TM9SF4: variants seen among roughly 807,000 people sequenced by gnomAD.
The protein encoded by TM9SF4 is dinucleotide oxidase disulfide thiol exchanger 3 superfamily member 4.
In TM9SF4, 26 loss-of-function variants were observed where a neutral mutation model predicts 90.4. That is an observed-to-expected ratio of 0.29 (90% CI 0.21 to 0.40). The LOEUF (loss-of-function observed/expected upper bound fraction) is 0.40, where lower values mean the gene tolerates loss of function less well. Ranked by LOEUF, TM9SF4 falls within the 10% of genes least tolerant of loss-of-function variation. TM9SF4 has a pLI of 1.00. For synonymous variants in TM9SF4, 293 were observed against 315.4 expected, an observed-to-expected ratio of 0.93 and a Z score of 0.75; for missense variants, 549 against 834.8, an observed-to-expected ratio of 0.66 and a Z score of 4.22.
At chr20:32,114,859 C>G (rs982723831) in intron 1 of TM9SF4, among the ~76,000 whole-genome samples, 2 of 152,178 alleles carry the variant, frequency 1.3e-5, no homozygotes, top group Non-Finnish European at 2.9e-5. Flanking sequence ...ATTGTGTGGC[C>G]TGGGGCAAAT....
In TM9SF4 at chr20:32,126,106, C is replaced by CACACACACACAG. The variant is rs368553951; in HGVS notation, c.16-6906_16-6905insCACACACACAGA. Among the ~76,000 whole-genome samples the CACACACACACAG allele has an allele frequency of 2.4e-3, 354 of 148,696 alleles. 3 individuals carry two copies. The highest frequency in any genetic ancestry group is 5.8e-3 in the African/African-American group (234 of 40,122). On this transcript the variant is annotated intron_variant, in intron 1 of 17. Coordinates refer to ENST00000398022, the MANE Select transcript of TM9SF4 (RefSeq NM_014742.4). The stretch of plus-strand genomic sequence containing the variant: ...ACACACACACACACACACACACACA[C>CACACACACACAG]AGTAGCCAGAGTAACCTTTAAAACT...
intron 1 of TM9SF4, among the ~76,000 whole-genome samples, chr20:32,123,864 A>ATC: frequency 3.3e-5 from 2 of 60,198 alleles, no homozygotes; most frequent in Admixed American, 1.6e-4. Flanking sequence ...ATATATATAT[A>ATC]TATTTTTTTT....
At chr20:32,136,933 C>A (rs1422638839) in intron 3 of TM9SF4, 4 of 471,080 alleles carry the variant, frequency 8.5e-6, no homozygotes, top group Non-Finnish European at 1.8e-5. Context: ...CTGCCTTCTC[C>A]GTCAGGGCTA....
chr20:32,139,621 T>A (rs2046642240), intron 3 of TM9SF4, among the ~76,000 whole-genome samples: 1 of 152,258 alleles, frequency 6.6e-6, no homozygotes, highest in Non-Finnish European at 1.5e-5. Flanking sequence ...GCCAGAATGA[T>A]CTTTCTGGAA....
chr20:32,161,397 C>T, intron 17 of TM9SF4, 32 bp downstream of exon 17: 1 of 1,597,210 alleles, frequency 6.3e-7, no homozygotes, highest in Non-Finnish European at 8.6e-7. Flanking sequence ...TCCTCTTAGT[C>T]CTCATAGGGT....
intron 1 of TM9SF4, chr20:32,116,250 G>C (rs2046221379): frequency 6.6e-6 from 1 of 152,190 alleles, no homozygotes; most frequent in Admixed American, 6.5e-5. Context: ...ATATTCTCAA[G>C]GGATTGTTGT....
At chr20:32,147,506 G>GA (rs138949307) in intron 9 of TM9SF4, among the ~76,000 whole-genome samples, 3,747 of 152,010 alleles carry the variant, frequency 0.025, 78 homozygotes, top group Middle Eastern at 0.045. Context: ...CAACAAACTT[G>GA]AAAAAAATGG....
chr20:32,160,184 C>A (rs575076753), intron 16 of TM9SF4, 73 bp downstream of exon 16: 13 of 1,601,266 alleles, frequency 8.1e-6, no homozygotes, highest in South Asian at 1.1e-5. Flanking sequence ...TGAGGCTCTG[C>A]GGAGAGGCTG....
In TM9SF4 at chr20:32,117,576, T is replaced by C. The variant is rs572793742; in HGVS notation, c.15+7821T>C. ...AGTGGCTGGGGGTACTTTTGAGTCC[T>C]AGCAGCCCTTCATTAGACAGCTGTT... is the stretch of plus-strand genomic sequence containing the variant. On this transcript the variant is annotated intron_variant, in intron 1 of 17. Coordinates refer to ENST00000398022, the MANE Select transcript of TM9SF4 (RefSeq NM_014742.4). 2.1e-4 allele frequency among the ~76,000 whole-genome samples: 32 copies of C among 152,328 alleles called. No homozygotes were observed. In the East Asian group the frequency reaches 6.2e-3, roughly 29 times the overall value.
rs2046991658 is a variant in TM9SF4, at chr20:32,160,046, A to G, written c.1624A>G (p.Ile542Val). ...CTTTGGCTTCCTGTTCCTTGTTTTC[A>G]TCATCCTGGTGGTATCCTGTTCACA... Reference protein sequence around the residue: ...YLFGFLFLVFIILVVSCSQIS... With the variant: ...YLFGFLFLVFVILVVSCSQIS... Residue 542 changes from isoleucine (I) to valine (V), a missense_variant, in exon 16 of 18, where the codon ATC becomes GTC. Ile to Val is a conservative substitution (Grantham distance 29). This residue lies in a region of TM9SF4 where 495 missense variants were observed against 711.7 expected (regional missense o/e 0.70). Coordinates refer to ENST00000398022, the MANE Select transcript of TM9SF4 (RefSeq NM_014742.4). 6.2e-7 allele frequency: 1 copy of G among 1,613,998 alleles called. No individual in the cohort carries two copies.
intron 1 of TM9SF4, among the ~76,000 whole-genome samples, chr20:32,123,739 A>G (rs1057392730): frequency 8.7e-5 from 13 of 148,954 alleles, no homozygotes; most frequent in African/African-American, 3.2e-4. Context: ...GCATATCCAT[A>G]TTTTCTTCTA....
chr20:32,155,637 G>A (rs372909899), intron 13 of TM9SF4, among the ~76,000 whole-genome samples: 2 of 152,350 alleles, frequency 1.3e-5, no homozygotes, highest in South Asian at 2.1e-4. Context: ...TGGGAATCCT[G>A]CCAGCCCCAG....
At chr20:32,152,048 T>G (rs1339717986) in intron 12 of TM9SF4, among the ~76,000 whole-genome samples, 2 of 151,484 alleles carry the variant, frequency 1.3e-5, no homozygotes, top group Non-Finnish European at 2.9e-5. Context: ...TTTTTTGTAT[T>G]TTTAGTAGAG....
chr20:32,145,152 A>C lies in TM9SF4; in HGVS notation c.714A>C (p.Gln238His). Residue 238 changes from glutamine to histidine, a missense_variant, in exon 7 of 18, where the codon CAA becomes CAC. This residue lies in a region of TM9SF4 where 495 missense variants were observed against 711.7 expected (regional missense o/e 0.70). Coordinates refer to ENST00000398022, the MANE Select transcript of TM9SF4 (RefSeq NM_014742.4). The part of the protein sequence containing the change: ...TLPEGTNSSP[Q>H]EIDPTKENQL... Reference sequence around the variant, plus strand: ...CTGAGGGTACCAACTCCTCGCCCCAAGAAATTGACCCCACCAAGGAGAATC... The same window carrying C: ...CTGAGGGTACCAACTCCTCGCCCCACGAAATTGACCCCACCAAGGAGAATC... The C allele has an allele frequency of 1.9e-6, 3 of 1,614,146 alleles. No homozygotes were observed. The highest frequency in any genetic ancestry group is 2.5e-6 in the Non-Finnish European group (3 of 1,180,026).
In TM9SF4 at chr20:32,167,089, C is replaced by G. The variant is rs190436938; in HGVS notation, c.*1645C>G. ...TCAAATCTTGGATTTTTTTTTTTCCCTAAGAGATTCTCTTTTTAGGGGGAA... is the reference window on the plus strand; with the variant it reads ...TCAAATCTTGGATTTTTTTTTTTCCGTAAGAGATTCTCTTTTTAGGGGGAA... On this transcript the variant is annotated 3_prime_UTR_variant, in exon 18 of 18. Coordinates refer to ENST00000398022, the MANE Select transcript of TM9SF4 (RefSeq NM_014742.4). 1 of 151,264 alleles carries G rather than the reference C, an allele frequency of 6.6e-6. No individual in the cohort carries two copies. The highest frequency in any genetic ancestry group is 1.5e-5 in the Non-Finnish European group (1 of 67,832). 9.4% of individuals were successfully genotyped at this position (151,264 alleles called of 1,614,324 possible).
chr20:32,128,806 G>GTGTGTGTGTGTT (rs2122360746), intron 1 of TM9SF4, among the ~76,000 whole-genome samples: 1 of 147,108 alleles, frequency 6.8e-6, no homozygotes, highest in South Asian at 2.1e-4. Flanking sequence ...GTGTGTGTGT[G>GTGTGTGTGTGTT]TGTGTGTGTG....
chr20:32,164,972 T>C (rs1368440451), intron 17 of TM9SF4, among the ~76,000 whole-genome samples: 1 of 151,098 alleles, frequency 6.6e-6, no homozygotes, highest in Non-Finnish European at 1.5e-5. Flanking sequence ...CCACTCCGAC[T>C]GCTTCTCCAG....
intron 15 of TM9SF4, chr20:32,159,172 C>T (rs1445230593): frequency 6.6e-6 from 1 of 152,138 alleles, no homozygotes; most frequent in East Asian, 1.9e-4. Context: ...ACTCACAGCT[C>T]CTGGGAGGGT....
rs1600355916 is a variant in TM9SF4, at chr20:32,165,381, C to T, written c.1866C>T (p.Thr622=). ...MVLSFWLLTG[T]IGFYAAYMFV... ...TGTCCTTCTGGCTGCTAACGGGTACCATCGGCTTCTATGCAGCCTACATGT... is the reference window on the plus strand; with the variant it reads ...TGTCCTTCTGGCTGCTAACGGGTACTATCGGCTTCTATGCAGCCTACATGT... Residue 622 remains threonine (T), a synonymous_variant, in exon 18 of 18, where the codon ACC becomes ACT. Coordinates refer to ENST00000398022, the MANE Select transcript of TM9SF4 (RefSeq NM_014742.4). 2 of 1,614,198 alleles carry T rather than the reference C, an allele frequency of 1.2e-6. No homozygotes were observed. The highest frequency in any genetic ancestry group is 1.7e-6 in the Non-Finnish European group (2 of 1,180,036).
Sources: allele counts gnomAD v4.1 joint callset (sites outside exome capture counted in the v4.1 genomes callset), GRCh38; gene constraint gnomAD v4.1.1; regional missense constraint gnomAD v4.1.1; transcripts MANE v1.5; gene names NCBI Gene and HGNC (gene_info 2026-07-23, HGNC 2026-07-21).